The following CTDSPL variants were observed in gnomAD, a reference collection of about 807,000 sequenced individuals.
The protein encoded by CTDSPL is CTD small phosphatase like, also known as CTD small phosphatase-like protein.
Under a neutral mutation model 30.5 loss-of-function variants are expected in CTDSPL, and 8 were observed. The observed-to-expected ratio is 0.26, with a 90% confidence interval of 0.15 to 0.47. The LOEUF is 0.47. Among genes scored for constraint, CTDSPL ranks in the 20% least tolerant of loss-of-function variants. CTDSPL has a pLI of 0.99. For synonymous variants in CTDSPL, 110 were observed against 137.9 expected, an observed-to-expected ratio of 0.80 and a Z score of 1.42; for missense variants, 248 against 366.1, an observed-to-expected ratio of 0.68 and a Z score of 2.63.
chr3:37,896,244 G>A (rs562019408), intron 1 of CTDSPL, among the ~76,000 whole-genome samples: 4 of 152,308 alleles, frequency 2.6e-5, no homozygotes. Context: ...GAGAGGTACA[G>A]ACGTGCTGGG....
chr3:37,950,153 G>A (rs764209892), intron 2 of CTDSPL, among the ~76,000 whole-genome samples: 31 of 152,176 alleles, frequency 2.0e-4, no homozygotes, highest in Non-Finnish European at 4.0e-4. Flanking sequence ...GGCTTTCTTA[G>A]TCTCTGAGGT....
chr3:37,975,216 G>T lies in CTDSPL; in HGVS notation c.520-493G>T, dbSNP rs78883079. Among the ~76,000 whole-genome samples, 494 of 152,336 alleles carry T rather than the reference G, an allele frequency of 3.2e-3. 3 individuals carry two copies. Among genetic ancestry groups the T allele is most frequent in the African/African-American group, 0.011 (450 of 41,576 alleles). On this transcript the variant is annotated intron_variant, in intron 6 of 7. Coordinates refer to ENST00000273179, the MANE Select transcript of CTDSPL (RefSeq NM_001008392.2). This position sits in a 1 kb window ranked among gnomAD's most constrained non-coding sequence, Gnocchi z 4.9. Reference sequence around the variant, plus strand: ...AGGGGCTCCAGATGGAGCTCATTCAGCTGTGCCATGTGGGACGCAGCAGTG... The same window carrying T: ...AGGGGCTCCAGATGGAGCTCATTCATCTGTGCCATGTGGGACGCAGCAGTG...
intron 1 of CTDSPL, among the ~76,000 whole-genome samples, chr3:37,896,595 G>A (rs1350907071): frequency 6.6e-6 from 1 of 151,850 alleles, no homozygotes; most frequent in Non-Finnish European, 1.5e-5. Flanking sequence ...GGAGTGCAGT[G>A]GTGTGATCAC....
intron 1 of CTDSPL, among the ~76,000 whole-genome samples, chr3:37,900,011 A>T (rs1339904568): frequency 6.6e-6 from 1 of 152,194 alleles, no homozygotes; most frequent in Non-Finnish European, 1.5e-5. Flanking sequence ...TCCCTGTGAG[A>T]AGACTGAGAC....
At chr3:37,973,457 G>A (rs967007834) in intron 6 of CTDSPL, among the ~76,000 whole-genome samples, 1 of 152,218 alleles carries the variant, frequency 6.6e-6, no homozygotes, top group African/African-American at 2.4e-5. Flanking sequence ...CCCACCATCT[G>A]TCTCTTCAAC....
At chr3:37,866,058 A>G (rs1698005963) in intron 1 of CTDSPL, among the ~76,000 whole-genome samples, 1 of 152,234 alleles carries the variant, frequency 6.6e-6, no homozygotes, top group Admixed American at 6.5e-5. Flanking sequence ...TTCTAGAGAA[A>G]TAACCTCATT....
At chr3:37,871,200 A>C (rs553134399) in intron 1 of CTDSPL, among the ~76,000 whole-genome samples, 1 of 152,312 alleles carries the variant, frequency 6.6e-6, no homozygotes, top group African/African-American at 2.4e-5. Context: ...ATATACTTGG[A>C]ATCATATAGT....
Position 37,982,669 on chromosome 3 carries a change from C to G in CTDSPL, c.*1802C>G, listed in dbSNP as rs1388587275. 4 of 456,578 alleles carry G rather than the reference C, an allele frequency of 8.8e-6. No individual in the cohort carries two copies. Among genetic ancestry groups the G allele is most frequent in the Admixed American group, 4.7e-5 (2 of 42,566 alleles). 28.3% of individuals were successfully genotyped at this position (456,578 alleles called of 1,614,324 possible). ...GTAAGTATTCAGGGGGTAAACAGGT[C>G]TCCCAGCATTCTGAGTGTTCCAAAC... On this transcript the variant is annotated 3_prime_UTR_variant, in exon 8 of 8. Coordinates refer to ENST00000273179, the MANE Select transcript of CTDSPL (RefSeq NM_001008392.2).
chr3:37,887,092 C>T (rs922456122), intron 1 of CTDSPL, among the ~76,000 whole-genome samples: 68 of 152,324 alleles, frequency 4.5e-4, no homozygotes, highest in African/African-American at 1.0e-3. Context: ...CAGGATGTCA[C>T]GGCAGTGGCT....
At position 37,980,961 on chromosome 3, in the gene CTDSPL, G is replaced by T; in HGVS notation, c.*94G>T. ...CAGCTCCCTGGGAGCTGAAAGTGAGGATACTCCGTGCTCCAGGCCACAGGG... is the reference window on the plus strand; with the variant it reads ...CAGCTCCCTGGGAGCTGAAAGTGAGTATACTCCGTGCTCCAGGCCACAGGG... On this transcript the variant is annotated 3_prime_UTR_variant, in exon 8 of 8. Coordinates refer to ENST00000273179, the MANE Select transcript of CTDSPL (RefSeq NM_001008392.2). 2 of 1,461,094 alleles carry T rather than the reference G, an allele frequency of 1.4e-6. No homozygotes were observed. The highest frequency in any genetic ancestry group is 1.3e-5 in the South Asian group (1 of 74,474). 90.5% of individuals were successfully genotyped at this position (1,461,094 alleles called of 1,614,324 possible).
intron 1 of CTDSPL, among the ~76,000 whole-genome samples, chr3:37,942,194 ACCAAGAT>A (rs1485222365): frequency 1.3e-5 from 2 of 150,358 alleles, no homozygotes; most frequent in African/African-American, 4.8e-5. Context: ...AGTTTATGTA[ACCAAGAT>A]CTGTTATAGT....
chr3:37,948,245 C>T (rs1182145645), intron 2 of CTDSPL, among the ~76,000 whole-genome samples: 1 of 151,924 alleles, frequency 6.6e-6, no homozygotes, highest in Non-Finnish European at 1.5e-5. Context: ...GATCACGCCA[C>T]TGCACTCCAG....
intron 3 of CTDSPL, among the ~76,000 whole-genome samples, chr3:37,962,030 T>C (rs1699250655): frequency 6.6e-6 from 1 of 152,150 alleles, no homozygotes; most frequent in African/African-American, 2.4e-5. Context: ...CCGGCAATGC[T>C]CTTTGTGTAC....
At chr3:37,948,580 G>A (rs35403574) in intron 2 of CTDSPL, among the ~76,000 whole-genome samples, 4 of 152,160 alleles carry the variant, frequency 2.6e-5, no homozygotes, top group African/African-American at 7.2e-5. Context: ...GGCTGTGGGC[G>A]GTGGCAGTAG....
intron 1 of CTDSPL, among the ~76,000 whole-genome samples, chr3:37,919,112 AC>A (rs776455939): frequency 6.6e-6 from 1 of 151,846 alleles, no homozygotes; most frequent in Non-Finnish European, 1.5e-5. Flanking sequence ...CCTTCCCCCT[AC>A]CCCCCACCAA....
At chr3:37,940,687 G>A (rs1390685512) in intron 1 of CTDSPL, among the ~76,000 whole-genome samples, 1 of 150,458 alleles carries the variant, frequency 6.6e-6, no homozygotes, top group Admixed American at 6.7e-5. Context: ...CCATCCCTAA[G>A]CCAGTCATGT....
chr3:37,975,906 C>T lies in CTDSPL; in HGVS notation c.705+12C>T. On this transcript the variant is annotated intron_variant, in intron 7 of 7. Transcript: ENST00000273179. This position sits in a 1 kb window ranked among gnomAD's most constrained non-coding sequence, Gnocchi z 4.9. ...ATCCTGAGAATGCAGTAAGTGGCCC[C>T]AAAGAAAGAAAATGTCGTGCTCCAT... 2 of 1,609,462 alleles carry T rather than the reference C, an allele frequency of 1.2e-6. No homozygotes were observed. Among genetic ancestry groups the T allele is most frequent in the South Asian group, 2.2e-5 (2 of 90,722 alleles).
At chr3:37,893,288 A>G (rs73056979) in intron 1 of CTDSPL, among the ~76,000 whole-genome samples, 8,279 of 152,316 alleles carry the variant, frequency 0.054, 293 homozygotes, top group African/African-American at 0.099. Flanking sequence ...AGTATGAAGG[A>G]AATCTTTGTG....
In CTDSPL at chr3:37,975,862, C is replaced by T; in HGVS notation, c.673C>T (p.Pro225Ser). ...CAAAGTGATCATTGTTGACAATTCC[C>T]CTGCCTCATACATCTTCCATCCTGA... ...LSKVIIVDNS[P>S]ASYIFHPENA... is the part of the protein sequence containing the mutation. The change falls in exon 7 of 8, where the codon CCT becomes TCT. Residue 225 changes from proline (P) to serine (S), a missense_variant. Pro to Ser is a moderately conservative substitution (Grantham distance 74, BLOSUM62 -1). Transcript: ENST00000273179. The surrounding 1 kb of genome is among the most constrained non-coding windows in gnomAD (Gnocchi z 4.9). The T allele has an allele frequency of 6.2e-7, 1 of 1,614,116 alleles. No homozygotes were observed. The highest frequency in any genetic ancestry group is 8.5e-7 in the Non-Finnish European group (1 of 1,179,994).
Sources: allele counts gnomAD v4.1 joint callset (sites outside exome capture counted in the v4.1 genomes callset), GRCh38; gene constraint gnomAD v4.1.1; non-coding constraint Gnocchi (gnomAD v3.1); transcripts MANE v1.5; gene names NCBI Gene and HGNC (gene_info 2026-07-23, HGNC 2026-07-21).